Variants in GRIN2A observed in about 807,000 individuals in gnomAD.
The protein encoded by GRIN2A is glutamate ionotropic receptor NMDA type subunit 2A.
GRIN2A carries 22 observed loss-of-function variants against 113.4 expected under a neutral mutation model. The ratio of observed to expected loss-of-function variants is 0.19; its 90% confidence interval spans 0.14 to 0.28. The LOEUF (loss-of-function observed/expected upper bound fraction) is 0.28, where lower values mean the gene tolerates loss of function less well. Ranked by LOEUF, GRIN2A falls within the 10% of genes least tolerant of loss-of-function variation. GRIN2A has a pLI of 1.00. For missense variants in GRIN2A, 1,502 were observed against 1,887.0 expected, an observed-to-expected ratio of 0.80 and a Z score of 3.78; for synonymous variants, 827 against 738.4, an observed-to-expected ratio of 1.12 and a Z score of -1.94.
At chr16:9,780,755 A>C (rs1333231035) in intron 11 of GRIN2A, among the ~76,000 whole-genome samples, 1 of 152,256 alleles carries the variant, frequency 6.6e-6, no homozygotes, top group Non-Finnish European at 1.5e-5. Flanking sequence ...TACAGGTATA[A>C]GTGTTCTTTT....
intron 2 of GRIN2A, among the ~76,000 whole-genome samples, chr16:10,028,584 A>G (rs1036697775): frequency 2.6e-5 from 4 of 152,232 alleles, no homozygotes; most frequent in Non-Finnish European, 5.9e-5. Flanking sequence ...CAGAGCCACA[A>G]GATAGTGGAG....
At chr16:10,027,729 C>T (rs1362824448) in intron 2 of GRIN2A, 1 of 152,886 alleles carries the variant, frequency 6.5e-6, no homozygotes, top group Non-Finnish European at 1.5e-5. Flanking sequence ...CATCCACAAG[C>T]TGTCCCTACC....
At chr16:9,991,544 C>T (rs2046112701) in intron 2 of GRIN2A, among the ~76,000 whole-genome samples, 1 of 152,184 alleles carries the variant, frequency 6.6e-6, no homozygotes, top group Admixed American at 6.5e-5. Context: ...TCATTCTTCA[C>T]CTCCTCCCAT....
At position 9,808,914 on chromosome 16, in the gene GRIN2A, C is replaced by G. The variant is rs1007859988; in HGVS notation, c.2169-10450G>C. On this transcript the variant is annotated intron_variant, in intron 10 of 12. Coordinates refer to ENST00000330684, the MANE Select transcript of GRIN2A (RefSeq NM_001134407.3). ...TGACTGATAGCCCTCATCCCACCCC[C>G]CCAAAAAAAGTCTAGTGAGAAGAAA... 6.5e-4 allele frequency among the ~76,000 whole-genome samples: 99 copies of G among 151,916 alleles called. 1 individual carries two copies. The highest frequency in any genetic ancestry group is 2.4e-3 in the African/African-American group (98 of 41,416).
chr16:9,782,496 A>C (rs1001950941), intron 11 of GRIN2A, among the ~76,000 whole-genome samples: 7 of 152,332 alleles, frequency 4.6e-5, no homozygotes, highest in Non-Finnish European at 1.0e-4. Flanking sequence ...ATTTGGGGCC[A>C]CTGTTTATCC....
intron 10 of GRIN2A, among the ~76,000 whole-genome samples, chr16:9,804,891 A>G (rs1165370827): frequency 6.6e-6 from 1 of 152,196 alleles, no homozygotes; most frequent in African/African-American, 2.4e-5. Context: ...CAAGAGGGGG[A>G]AATAAGACCT....
At chr16:9,977,779 T>C (rs1251421698) in intron 2 of GRIN2A, among the ~76,000 whole-genome samples, 5 of 152,162 alleles carry the variant, frequency 3.3e-5, no homozygotes, top group African/African-American at 9.7e-5. Flanking sequence ...TTCAATTCGG[T>C]CGGCTTTTCC....
chr16:9,949,151 G>A (rs2045103156), intron 2 of GRIN2A, among the ~76,000 whole-genome samples: 1 of 152,230 alleles, frequency 6.6e-6, no homozygotes, highest in Admixed American at 6.5e-5. Context: ...ATTGTCAATC[G>A]TCACCAGGTA....
At chr16:9,880,459 G>A (rs74880352) in intron 4 of GRIN2A, among the ~76,000 whole-genome samples, 1,811 of 152,176 alleles carry the variant, frequency 0.012, 29 homozygotes, top group African/African-American at 0.041. Flanking sequence ...ACTTTTAAAG[G>A]GGTCATGTGA....
intron 2 of GRIN2A, among the ~76,000 whole-genome samples, chr16:9,999,923 A>G (rs1484358428): frequency 1.3e-5 from 2 of 152,152 alleles, no homozygotes; most frequent in Non-Finnish European, 2.9e-5. Flanking sequence ...CACTAGGCTA[A>G]AAATCAAAGT....
chr16:10,166,822 C>A (rs2049934803), intron 2 of GRIN2A, among the ~76,000 whole-genome samples: 1 of 152,212 alleles, frequency 6.6e-6, no homozygotes, highest in Non-Finnish European at 1.5e-5. Flanking sequence ...TCCTCCTCCT[C>A]CTCAGCCTCC....
At position 9,760,374 on chromosome 16, in the gene GRIN2A, A is replaced by ATTTTTTTGTTTTT. The variant is rs1900528914; in HGVS notation, c.*2774_*2775insAAAAACAAAAAAA. Reference sequence around the variant, plus strand: ...AAATTGACCATCTGATCAGTAGTTGATTTTTTTTTTTTTTTTTTTTTTTTG... The same window carrying ATTTTTTTGTTTTT: ...AAATTGACCATCTGATCAGTAGTTGATTTTTTTGTTTTTTTTTTTTTTTTTTTTTTTTTTTTTG... On this transcript the variant is annotated 3_prime_UTR_variant, in exon 13 of 13. Transcript: ENST00000330684. The ATTTTTTTGTTTTT allele has an allele frequency of 1.1e-5, 1 of 89,550 alleles. No individual in the cohort carries two copies. The highest frequency in any genetic ancestry group is 5.0e-5 in the African/African-American group (1 of 20,090). The allele number at this position is 89,550 out of a possible 1,614,324, so 5.5% of individuals were successfully genotyped here.
Position 10,165,171 on chromosome 16 carries a change from AAATCATG to A in GRIN2A, c.414+14820_414+14826del, listed in dbSNP as rs2049886449. On this transcript the variant is annotated intron_variant, in intron 2 of 12. Transcript: ENST00000330684. ...TTGGGGAAAATCTAAATTATCAAGT[AAATCATG>A]AGATATCCACAGAATAGAAAACATA... Among the ~76,000 whole-genome samples the A allele has an allele frequency of 8.5e-5, 13 of 152,324 alleles. No individual in the cohort carries two copies. In the South Asian group the frequency reaches 2.7e-3, roughly 32 times the overall value.
chr16:9,997,019 A>C (rs748153616), intron 2 of GRIN2A, among the ~76,000 whole-genome samples: 2 of 152,192 alleles, frequency 1.3e-5, no homozygotes, highest in Non-Finnish European at 2.9e-5. Flanking sequence ...CCTTTAAGGA[A>C]ACCATGATTT....
At chr16:9,973,216 C>T (rs1429041696) in intron 2 of GRIN2A, among the ~76,000 whole-genome samples, 1 of 152,202 alleles carries the variant, frequency 6.6e-6, no homozygotes, top group East Asian at 1.9e-4. Flanking sequence ...TGCATGACTC[C>T]TAAACCATAA....
chr16:9,847,526 C>T (rs949576990), intron 5 of GRIN2A, among the ~76,000 whole-genome samples: 1 of 151,910 alleles, frequency 6.6e-6, no homozygotes, highest in Non-Finnish European at 1.5e-5. Flanking sequence ...GATCACACCA[C>T]TGCACTCCAG....
chr16:9,921,257 T>C (rs556303271), intron 3 of GRIN2A, among the ~76,000 whole-genome samples: 60 of 152,348 alleles, frequency 3.9e-4, no homozygotes, highest in African/African-American at 1.4e-3. Context: ...TTAATTTCCA[T>C]CAGTCACACT....
At chr16:10,100,027 A>G (rs1313651401) in intron 2 of GRIN2A, among the ~76,000 whole-genome samples, 2 of 152,190 alleles carry the variant, frequency 1.3e-5, no homozygotes, top group Admixed American at 6.5e-5. Flanking sequence ...ACAATTTACT[A>G]GTCAAGAAGT....
At chr16:10,174,192 G>A (rs2050100125) in intron 2 of GRIN2A, among the ~76,000 whole-genome samples, 1 of 152,132 alleles carries the variant, frequency 6.6e-6, no homozygotes, top group South Asian at 2.1e-4. Context: ...GCTGTGGATG[G>A]TGCTGGAACA....
Sources: gnomAD v4.1 joint callset for allele counts (sites outside exome capture counted in the v4.1 genomes callset) on GRCh38, gnomAD v4.1.1 for gene constraint, MANE v1.5 for transcripts, NCBI Gene and HGNC (gene_info 2026-07-23, HGNC 2026-07-21) for gene names.